The following RHOU variants were observed in gnomAD, a reference collection of about 807,000 sequenced individuals.
RHOU encodes ras homolog family member U, also known as rho-related GTP-binding protein RhoU.
RHOU carries 8 observed loss-of-function variants against 12.6 expected under a neutral mutation model. The ratio of observed to expected loss-of-function variants is 0.64; its 90% CI spans 0.37 to 1.15. The LOEUF (loss-of-function observed/expected upper bound fraction) is 1.15, where lower values mean the gene tolerates loss of function less well. RHOU is among the 50% of genes most tolerant of loss of function. The pLI is 0.01. For missense variants in RHOU, 258 were observed against 347.0 expected, an observed-to-expected ratio of 0.74 and a Z score of 2.04; for synonymous variants, 161 against 147.4, an observed-to-expected ratio of 1.09 and a Z score of -0.67.
At chr1:228,716,445 G>C in the RHOU span, among the ~76,000 whole-genome samples, 1 of 152,128 alleles carries the variant, frequency 6.6e-6, no homozygotes, top group Non-Finnish European at 1.5e-5. Flanking sequence ...TCCAAGTACT[G>C]AGGAAGAAGT....
chr1:228,710,847 A>G, the RHOU span, among the ~76,000 whole-genome samples: 1 of 152,198 alleles, frequency 6.6e-6, no homozygotes, highest in African/African-American at 2.4e-5. Context: ...AGGGCATTCA[A>G]TTAGGAAAAG....
At chr1:228,686,214 ACT>A in the RHOU span, among the ~76,000 whole-genome samples, 1 of 152,110 alleles carries the variant, frequency 6.6e-6, no homozygotes, top group African/African-American at 2.4e-5. Context: ...AAAATAACTA[ACT>A]CATGAGGTTT....
chr1:228,656,089 A>T, the RHOU span, among the ~76,000 whole-genome samples: 1 of 151,502 alleles, frequency 6.6e-6, no homozygotes, highest in Non-Finnish European at 1.5e-5. Context: ...TCCTTAAAAA[A>T]CTCCTGTCTT....
the RHOU span, among the ~76,000 whole-genome samples, chr1:228,699,070 G>A: frequency 4.6e-5 from 7 of 151,512 alleles, no homozygotes; most frequent in Non-Finnish European, 8.8e-5. Flanking sequence ...ATCCTCAGTC[G>A]GTGGGCTATG....
chr1:228,668,500 T>C, the RHOU span, among the ~76,000 whole-genome samples: 2 of 152,248 alleles, frequency 1.3e-5, no homozygotes, highest in Admixed American at 6.5e-5. Flanking sequence ...CAGAGTTCAA[T>C]TGTAGAACAC....
the RHOU span, among the ~76,000 whole-genome samples, chr1:228,697,584 C>A: frequency 2.6e-5 from 4 of 152,190 alleles, no homozygotes; most frequent in Non-Finnish European, 5.9e-5. Flanking sequence ...ATCGTGCTGA[C>A]TGGCAGCCTC....
intron 2 of RHOU, among the ~76,000 whole-genome samples, chr1:228,742,821 G>A (rs1298918680): frequency 6.6e-6 from 1 of 152,214 alleles, no homozygotes; most frequent in African/African-American, 2.4e-5. Flanking sequence ...GATTGATAAA[G>A]AGAGGAGCTG....
chr1:228,680,996 T>C, the RHOU span, among the ~76,000 whole-genome samples: 1 of 152,194 alleles, frequency 6.6e-6, no homozygotes, highest in Non-Finnish European at 1.5e-5. Context: ...GAGATTGGGC[T>C]AGAGAGAAGA....
the RHOU span, among the ~76,000 whole-genome samples, chr1:228,653,675 C>T: frequency 1.3e-5 from 2 of 152,248 alleles, no homozygotes; most frequent in East Asian, 3.9e-4. Context: ...AGGCTGGTCT[C>T]GAACTCCTGG....
At chr1:228,695,558 G>A in the RHOU span, among the ~76,000 whole-genome samples, 1 of 152,172 alleles carries the variant, frequency 6.6e-6, no homozygotes, top group African/African-American at 2.4e-5. Flanking sequence ...ATGACTTGGG[G>A]TTCCACCACT....
the RHOU span, among the ~76,000 whole-genome samples, chr1:228,729,196 G>A: frequency 6.6e-6 from 1 of 152,028 alleles, no homozygotes; most frequent in Non-Finnish European, 1.5e-5. Context: ...GCCTGGCCAA[G>A]TTTTGTCCAT....
At chr1:228,668,782 A>C in the RHOU span, among the ~76,000 whole-genome samples, 2 of 152,128 alleles carry the variant, frequency 1.3e-5, no homozygotes, top group African/African-American at 4.8e-5. Context: ...TTCTGATCTA[A>C]CTTTGACCTC....
chr1:228,687,907 C>A, the RHOU span: 1 of 774,692 alleles, frequency 1.3e-6, no homozygotes, highest in Non-Finnish European at 2.3e-6. Flanking sequence ...ATATTGTTCT[C>A]CCCCTCTCCC....
the RHOU span, among the ~76,000 whole-genome samples, chr1:228,680,206 T>C: frequency 6.6e-6 from 1 of 152,044 alleles, no homozygotes; most frequent in Non-Finnish European, 1.5e-5. Flanking sequence ...GCTTCCGAGG[T>C]GATCCGGCAG....
chr1:228,675,102 T>C, the RHOU span, among the ~76,000 whole-genome samples: 2 of 152,204 alleles, frequency 1.3e-5, no homozygotes, highest in Non-Finnish European at 2.9e-5. Context: ...AGGATTGATA[T>C]GCTTGCATGT....
the RHOU span, among the ~76,000 whole-genome samples, chr1:228,713,895 G>C: frequency 6.6e-6 from 1 of 152,164 alleles, no homozygotes; most frequent in African/African-American, 2.4e-5. Flanking sequence ...TGTGTCTGCT[G>C]TAGATTTGAT....
At chr1:228,696,233 A>T in the RHOU span, among the ~76,000 whole-genome samples, 1 of 139,202 alleles carries the variant, frequency 7.2e-6, no homozygotes, top group African/African-American at 2.8e-5. Context: ...GTATACAATT[A>T]AAAAAAAAAA....
the RHOU span, among the ~76,000 whole-genome samples, chr1:228,701,290 A>G: frequency 1.3e-5 from 2 of 152,304 alleles, no homozygotes; most frequent in East Asian, 3.9e-4. Context: ...GTAAAATAAT[A>G]GCCATTTGTT....
chr1:228,690,276 G>A, the RHOU span, among the ~76,000 whole-genome samples: 1 of 151,988 alleles, frequency 6.6e-6, no homozygotes, highest in Non-Finnish European at 1.5e-5. Flanking sequence ...CTTGAAAGAG[G>A]GCCAAGTGGG....
Sources: gnomAD v4.1 joint callset for allele counts (sites outside exome capture counted in the v4.1 genomes callset) on GRCh38, gnomAD v4.1.1 for gene constraint, MANE v1.5 for transcripts, NCBI Gene and HGNC (gene_info 2026-07-23, HGNC 2026-07-21) for gene names.